PPM1E: variants seen among roughly 807,000 people sequenced by gnomAD.
PPM1E encodes the protein protein phosphatase 1E.
In PPM1E, 20 loss-of-function variants were observed where a neutral mutation model predicts 65.9. That is an observed-to-expected ratio of 0.30 (90% confidence interval 0.21 to 0.44). PPM1E has a LOEUF of 0.44. Ranked by LOEUF, PPM1E falls within the 20% of genes least tolerant of loss-of-function variation. The pLI is 1.00. For synonymous variants in PPM1E, 352 were observed against 374.9 expected (o/e 0.94, Z 0.70); for missense variants, 713 against 953.1 (o/e 0.75, Z 3.32).
chr17:58,816,333 T>C (rs1480966560), intron 1 of PPM1E, among the ~76,000 whole-genome samples: 1 of 152,124 alleles, frequency 6.6e-6, no homozygotes, highest in Non-Finnish European at 1.5e-5. Context: ...CTGTATGTAA[T>C]ATTTCTATAT....
intron 1 of PPM1E, among the ~76,000 whole-genome samples, chr17:58,913,091 C>T (rs975680534): frequency 6.6e-6 from 1 of 152,146 alleles, no homozygotes; most frequent in African/African-American, 2.4e-5. Context: ...GTTCTGTAAG[C>T]TACTCTAGCA....
At chr17:58,777,858 G>A (rs2144196514) in intron 1 of PPM1E, among the ~76,000 whole-genome samples, 1 of 152,258 alleles carries the variant, frequency 6.6e-6, no homozygotes, top group Middle Eastern at 3.4e-3. Context: ...TTTTCAGAAA[G>A]TACTTAATGA....
At chr17:58,901,322 T>G (rs749993120) in intron 1 of PPM1E, among the ~76,000 whole-genome samples, 23 of 152,312 alleles carry the variant, frequency 1.5e-4, no homozygotes, top group Non-Finnish European at 2.6e-4. Flanking sequence ...TTCTTCCCCT[T>G]TTGAAGAAAT....
chr17:58,898,834 A>G (rs1391974529), intron 1 of PPM1E, among the ~76,000 whole-genome samples: 1 of 152,226 alleles, frequency 6.6e-6, no homozygotes, highest in Non-Finnish European at 1.5e-5. Context: ...CAGCCATAAA[A>G]AGGATGCGTT....
intron 1 of PPM1E, among the ~76,000 whole-genome samples, chr17:58,906,621 A>G (rs2051561258): frequency 6.6e-6 from 1 of 152,186 alleles, no homozygotes; most frequent in Non-Finnish European, 1.5e-5. Flanking sequence ...TACAGGTATG[A>G]GCCACTGTGC....
At position 58,824,705 on chromosome 17, in the gene PPM1E, C is replaced by T. The variant is rs182922142; in HGVS notation, c.464+68244C>T. 5.3e-5 allele frequency among the ~76,000 whole-genome samples: 8 copies of T among 151,642 alleles called. No homozygotes were observed. In the East Asian group the frequency reaches 1.5e-3, roughly 29 times the overall value. ...CCGGGTTCACACCATTCTCTGGCCT[C>T]AGGCTCCCGAGTAGCTGGGACTACA... On this transcript the variant is annotated intron_variant, in intron 1 of 6. Transcript: ENST00000308249.
In PPM1E at chr17:58,767,728, C is replaced by T. The variant is rs983838054; in HGVS notation, c.464+11267C>T. Among the ~76,000 whole-genome samples the T allele has an allele frequency of 2.0e-4, 31 of 152,152 alleles. 1 individual carries two copies. Among genetic ancestry groups the T allele is most frequent in the Admixed American group, 1.6e-3 (24 of 15,240 alleles). ...CACGATCTCAGCTCACCGCAACCTC[C>T]GCCTCCTGGGTTCAAGTGATTCTCC... On this transcript the variant is annotated intron_variant, in intron 1 of 6. Transcript: ENST00000308249.
intron 1 of PPM1E, among the ~76,000 whole-genome samples, chr17:58,779,802 C>T (rs1955038988): frequency 6.6e-6 from 1 of 152,154 alleles, no homozygotes; most frequent in African/African-American, 2.4e-5. Flanking sequence ...CATTCACTCT[C>T]TATGTCAATA....
chr17:58,774,168 C>CG (rs1333338348), intron 1 of PPM1E, among the ~76,000 whole-genome samples: 2 of 151,098 alleles, frequency 1.3e-5, no homozygotes, highest in Non-Finnish European at 3.0e-5. Flanking sequence ...GTCCCCCCCC[C>CG]CCAAAAAAAA....
intron 1 of PPM1E, among the ~76,000 whole-genome samples, chr17:58,905,010 G>C (rs749192924): frequency 1.3e-5 from 2 of 151,304 alleles, no homozygotes; most frequent in Non-Finnish European, 3.0e-5. Flanking sequence ...GGCAACAAGA[G>C]TGAAACTCCA....
At chr17:58,926,050 CA>C (rs2051820073) in intron 1 of PPM1E, among the ~76,000 whole-genome samples, 1 of 151,972 alleles carries the variant, frequency 6.6e-6, no homozygotes, top group Non-Finnish European at 1.5e-5. Flanking sequence ...AGCTAAATTG[CA>C]AAGTATTGGC....
intron 1 of PPM1E, among the ~76,000 whole-genome samples, chr17:58,822,270 A>T (rs180780036): frequency 1.1e-3 from 161 of 152,320 alleles, no homozygotes; most frequent in Non-Finnish European, 1.7e-3. Flanking sequence ...ATTATAAAAT[A>T]TGAGCAGCAG....
intron 3 of PPM1E, among the ~76,000 whole-genome samples, chr17:58,968,463 G>A (rs182921828): frequency 1.3e-5 from 2 of 152,226 alleles, no homozygotes; most frequent in Admixed American, 6.5e-5. Flanking sequence ...TCAAAGTACA[G>A]ATATACTTGT....
chr17:58,803,761 A>AT (rs2050280157), intron 1 of PPM1E, among the ~76,000 whole-genome samples: 1 of 152,184 alleles, frequency 6.6e-6, no homozygotes, highest in Non-Finnish European at 1.5e-5. Flanking sequence ...AACTTTATGG[A>AT]TTCCTAGATC....
intron 1 of PPM1E, among the ~76,000 whole-genome samples, chr17:58,816,775 TATATATATATA>T (rs2050425014): frequency 1.7e-4 from 3 of 17,702 alleles, no homozygotes; most frequent in Non-Finnish European, 3.7e-4. Flanking sequence ...TATATATATA[TATATATATATA>T]TATATATATT....
intron 2 of PPM1E, among the ~76,000 whole-genome samples, chr17:58,965,127 AAG>A (rs1354001090): frequency 1.3e-5 from 2 of 152,090 alleles, no homozygotes; most frequent in Non-Finnish European, 2.9e-5. Context: ...TAGGAGAAAA[AAG>A]GGAATTGGAT....
Position 58,756,147 on chromosome 17 carries a change from A to G in PPM1E, c.150A>G (p.Glu50=), listed in dbSNP as rs58381273. 2 of 1,597,122 alleles carry G rather than the reference A, an allele frequency of 1.3e-6. No homozygotes were observed. The highest frequency in any genetic ancestry group is 1.8e-5 in the Admixed American group (1 of 56,158). The part of the protein sequence containing the change: ...EPEPESEPEP[E]PELVEAEAAE... Reference sequence around the variant, plus strand: ...AACCCGAGTCCGAGCCCGAGCCCGAACCTGAACTGGTAGAAGCTGAGGCGG... The same window carrying G: ...AACCCGAGTCCGAGCCCGAGCCCGAGCCTGAACTGGTAGAAGCTGAGGCGG... Residue 50 remains glutamate, a synonymous_variant, in exon 1 of 7, where the codon GAA becomes GAG. Coordinates refer to ENST00000308249, the MANE Select transcript of PPM1E (RefSeq NM_014906.5).
At chr17:58,804,212 G>A (rs1807656425) in intron 1 of PPM1E, among the ~76,000 whole-genome samples, 1 of 152,216 alleles carries the variant, frequency 6.6e-6, no homozygotes, top group South Asian at 2.1e-4. Context: ...ACAGGCATGA[G>A]CCACCATGCT....
chr17:58,912,792 C>CA (rs1567873061), intron 1 of PPM1E, among the ~76,000 whole-genome samples: 1 of 152,164 alleles, frequency 6.6e-6, no homozygotes. Context: ...TCAACCCCTA[C>CA]ATCCAGGAAA....
Sources: allele counts gnomAD v4.1 joint callset (sites outside exome capture counted in the v4.1 genomes callset), GRCh38; gene constraint gnomAD v4.1.1; transcripts MANE v1.5; gene names NCBI Gene and HGNC (gene_info 2026-07-23, HGNC 2026-07-21).